The following LINGO2 variants were observed in gnomAD, a reference collection of about 807,000 sequenced individuals.
LINGO2 encodes leucine-rich repeat and immunoglobulin-like domain-containing nogo receptor-interacting protein 2.
In LINGO2, 14 loss-of-function variants were observed where a neutral mutation model predicts 30.6. That is an observed-to-expected ratio of 0.46 (90% CI 0.30 to 0.72). LINGO2 has a LOEUF of 0.72. LINGO2 is among the 30% of genes least tolerant of loss of function. LINGO2 has a pLI of 0.07. For synonymous variants in LINGO2, 317 were observed against 288.5 expected, an observed-to-expected ratio of 1.10 and a Z score of -1.00; for missense variants, 729 against 751.7, an observed-to-expected ratio of 0.97 and a Z score of 0.35.
chr9:28,766,406 C>A, the LINGO2 span, among the ~76,000 whole-genome samples: 1 of 150,042 alleles, frequency 6.7e-6, no homozygotes, highest in African/African-American at 2.5e-5. Flanking sequence ...ATATCAAAGC[C>A]ACCTGATAGA....
intron 1 of LINGO2, among the ~76,000 whole-genome samples, chr9:28,499,947 T>C (rs1364787785): frequency 6.6e-6 from 1 of 152,170 alleles, no homozygotes; most frequent in Admixed American, 6.5e-5. Flanking sequence ...AAACTTCTCT[T>C]TGATGGTAGT....
chr9:29,157,047 A>G, the LINGO2 span, among the ~76,000 whole-genome samples: 1 of 152,104 alleles, frequency 6.6e-6, no homozygotes, highest in East Asian at 1.9e-4. Flanking sequence ...TAGAAAAATT[A>G]AGAACTAAAT....
intron 1 of LINGO2, among the ~76,000 whole-genome samples, chr9:28,597,953 A>C (rs1007467151): frequency 1.3e-5 from 2 of 151,758 alleles, no homozygotes; most frequent in Non-Finnish European, 2.9e-5. Flanking sequence ...TTAGTAGAGA[A>C]GGGGCTTCAC....
At chr9:28,260,788 G>C (rs1822538061) in intron 4 of LINGO2, among the ~76,000 whole-genome samples, 2 of 151,756 alleles carry the variant, frequency 1.3e-5, no homozygotes, top group African/African-American at 4.8e-5. Flanking sequence ...CTTACCTTAG[G>C]GTAGCTTCTT....
intron 5 of LINGO2, among the ~76,000 whole-genome samples, chr9:27,969,824 C>T (rs138114498): frequency 2.6e-5 from 4 of 152,008 alleles, no homozygotes; most frequent in Non-Finnish European, 5.9e-5. Flanking sequence ...AGATCAAGGT[C>T]AGTTAGGTAG....
the LINGO2 span, among the ~76,000 whole-genome samples, chr9:28,708,147 T>C: frequency 6.6e-6 from 1 of 152,072 alleles, no homozygotes; most frequent in Non-Finnish European, 1.5e-5. Context: ...ACAATAAGAA[T>C]AACCAAATTC....
the LINGO2 span, among the ~76,000 whole-genome samples, chr9:28,746,368 G>T: frequency 1.6e-3 from 240 of 152,072 alleles, no homozygotes; most frequent in Non-Finnish European, 2.5e-3. Context: ...TTGCTGGAAG[G>T]CACCACAGGA....
chr9:28,167,697 T>C (rs979226839), intron 4 of LINGO2, among the ~76,000 whole-genome samples: 2 of 152,220 alleles, frequency 1.3e-5, no homozygotes, highest in African/African-American at 4.8e-5. Context: ...TATTGTCTAA[T>C]TTTTAAAGCA....
chr9:28,344,804 C>T (rs1415525730), intron 3 of LINGO2, among the ~76,000 whole-genome samples: 1 of 152,084 alleles, frequency 6.6e-6, no homozygotes, highest in African/African-American at 2.4e-5. Context: ...CATTGTCCAT[C>T]ATTTAGCTTA....
intron 4 of LINGO2, among the ~76,000 whole-genome samples, chr9:28,043,476 C>A (rs913104421): frequency 1.3e-5 from 2 of 152,134 alleles, no homozygotes; most frequent in Non-Finnish European, 2.9e-5. Flanking sequence ...GGTTGAGAGA[C>A]TGGAAACAAA....
chr9:28,643,399 G>C (rs1827693434), intron 1 of LINGO2, among the ~76,000 whole-genome samples: 1 of 151,850 alleles, frequency 6.6e-6, no homozygotes, highest in Non-Finnish European at 1.5e-5. Flanking sequence ...CGCTCACAGT[G>C]AACTCATTTT....
intron 4 of LINGO2, among the ~76,000 whole-genome samples, chr9:28,243,690 T>A (rs1208465351): frequency 6.6e-6 from 1 of 151,732 alleles, no homozygotes; most frequent in Non-Finnish European, 1.5e-5. Flanking sequence ...TAAAACAGAC[T>A]TTAAACCAAA....
chr9:28,311,389 C>A (rs13290494), intron 3 of LINGO2, among the ~76,000 whole-genome samples: 23,511 of 151,976 alleles, frequency 0.15, 2,359 homozygotes, highest in Non-Finnish European at 0.22. Context: ...CCAGTCTGAC[C>A]AAAATTTATT....
chr9:28,515,711 A>G (rs1316257387), intron 1 of LINGO2, among the ~76,000 whole-genome samples: 1 of 152,180 alleles, frequency 6.6e-6, no homozygotes, highest in Non-Finnish European at 1.5e-5. Context: ...ACTTGCGGTG[A>G]AGATATTGGG....
the LINGO2 span, among the ~76,000 whole-genome samples, chr9:29,025,114 T>G: frequency 6.6e-6 from 1 of 151,800 alleles, no homozygotes; most frequent in East Asian, 1.9e-4. Context: ...AATCTGTTTT[T>G]CAAACATCTG....
the LINGO2 span, among the ~76,000 whole-genome samples, chr9:29,075,339 T>C: frequency 6.6e-6 from 1 of 152,212 alleles, no homozygotes; most frequent in Non-Finnish European, 1.5e-5. Context: ...TTCAATTTTA[T>C]AAACATTCTC....
intron 3 of LINGO2, among the ~76,000 whole-genome samples, chr9:28,321,313 G>A (rs1334558225): frequency 6.6e-6 from 1 of 152,108 alleles, no homozygotes; most frequent in East Asian, 1.9e-4. Context: ...GCCTCTATGG[G>A]ATCATTCAGC....
intron 4 of LINGO2, among the ~76,000 whole-genome samples, chr9:28,254,766 T>A (rs12235687): frequency 1.3e-5 from 2 of 152,252 alleles, no homozygotes; most frequent in South Asian, 2.1e-4. Context: ...CCAAATTTTT[T>A]AAAATTTAAC....
chr9:28,797,353 TATATATAGAGAGAGAGAG>T, the LINGO2 span, among the ~76,000 whole-genome samples: 4 of 60,998 alleles, frequency 6.6e-5, no homozygotes, highest in African/African-American at 2.4e-4. Flanking sequence ...TATATATATA[TATATATAGAGAGAGAGAG>T]AGAGAGAGAG....
Sources: gnomAD v4.1 joint callset for allele counts (sites outside exome capture counted in the v4.1 genomes callset) on GRCh38, gnomAD v4.1.1 for gene constraint, MANE v1.5 for transcripts, NCBI Gene and HGNC (gene_info 2026-07-23, HGNC 2026-07-21) for gene names.